The following TENM1 variants were observed in gnomAD, a reference collection of about 807,000 sequenced individuals.
The protein encoded by TENM1 is teneurin transmembrane protein 1.
TENM1 carries 35 observed loss-of-function variants against 174.8 expected under a neutral mutation model. The ratio of observed to expected loss-of-function variants is 0.20; its 90% confidence interval spans 0.15 to 0.27. The LOEUF (loss-of-function observed/expected upper bound fraction) is 0.27, where lower values mean the gene tolerates loss of function less well. Ranked by LOEUF, TENM1 falls within the 10% of genes least tolerant of loss-of-function variation. The pLI, the probability that TENM1 is intolerant of heterozygous loss-of-function variation, is 1.00. For synonymous variants in TENM1, 781 were observed against 798.7 expected, an observed-to-expected ratio of 0.98 and a Z score of 0.37; for missense variants, 1,633 against 2,130.1, an observed-to-expected ratio of 0.77 and a Z score of 4.59.
intron 23 of TENM1, among the ~76,000 whole-genome samples, chrX:124,431,971 G>A (rs2060783573): frequency 8.9e-6 from 1 of 112,012 alleles, no homozygotes; most frequent in South Asian, 3.7e-4. Flanking sequence ...CTAATCAAGA[G>A]TAACAATTTG....
the TENM1 span, among the ~76,000 whole-genome samples, chrX:125,137,666 T>C: frequency 1.8e-5 from 2 of 111,472 alleles, no homozygotes; most frequent in Admixed American, 9.6e-5. Context: ...TATCATGCCA[T>C]CTAGCCCCAT....
intron 11 of TENM1, among the ~76,000 whole-genome samples, chrX:124,637,238 C>T (rs906184041): frequency 1.6e-4 from 18 of 109,913 alleles, no homozygotes; most frequent in African/African-American, 5.0e-4. Flanking sequence ...TATGGGCGCA[C>T]GCCACCATGC....
At chrX:124,690,481 T>TA (rs1556141123) in intron 5 of TENM1, among the ~76,000 whole-genome samples, 2 of 84,777 alleles carry the variant, frequency 2.4e-5, no homozygotes, top group South Asian at 1.3e-3. Context: ...CCTGCTTTGT[T>TA]AGAGTGTGTG....
intron 11 of TENM1, among the ~76,000 whole-genome samples, chrX:124,585,726 CA>C (rs1222936969): frequency 1.8e-5 from 2 of 111,310 alleles, no homozygotes; most frequent in Middle Eastern, 4.7e-3. Flanking sequence ...AAAAACCCTT[CA>C]AAAAATTAAT....
At chrX:124,740,704 C>T (rs1181678112) in intron 3 of TENM1, among the ~76,000 whole-genome samples, 1 of 110,944 alleles carries the variant, frequency 9.0e-6, no homozygotes, top group East Asian at 2.8e-4. Flanking sequence ...CTTTTTTTCA[C>T]CTCAGGAAAA....
At chrX:124,454,522 GC>G (rs1341910077) in intron 22 of TENM1, among the ~76,000 whole-genome samples, 4 of 110,747 alleles carry the variant, frequency 3.6e-5, no homozygotes, top group Admixed American at 2.9e-4. Context: ...TCCTGCTTCA[GC>G]CTCCCAAATA....
rs779839249 is a variant in TENM1 at position 124,723,604 on chromosome X, T to TG, written c.776+13352_776+13353insC. Among the ~76,000 whole-genome samples the TG allele has an allele frequency of 9.9e-3, 585 of 59,108 alleles. 4 individuals carry two copies. Among genetic ancestry groups the TG allele is most frequent in the African/African-American group, 0.049 (557 of 11,371 alleles). 51.3% of individuals were successfully genotyped at this position (59,108 alleles called of 115,157 possible). On this transcript the variant is annotated intron_variant, in intron 4 of 31. Transcript: ENST00000422452. ...CATATCTGGTGGGTTTTTTTTTTTG[T>TG]TTTTTTTTTTTTTTTTTGACGGAGT...
At chrX:124,716,630 G>C (rs918607386) in intron 4 of TENM1, among the ~76,000 whole-genome samples, 1 of 112,141 alleles carries the variant, frequency 8.9e-6, no homozygotes, top group East Asian at 2.8e-4. Context: ...TTGGTAGCCG[G>C]TGCCATTTCC....
intron 1 of TENM1, among the ~76,000 whole-genome samples, chrX:124,952,607 C>G (rs10521728): frequency 0.059 from 6,543 of 110,938 alleles, 388 homozygotes; most frequent in African/African-American, 0.18. Flanking sequence ...CTTTGGACTT[C>G]AACCATTAAT....
At chrX:124,873,963 G>C (rs1206381230) in intron 3 of TENM1, among the ~76,000 whole-genome samples, 1 of 111,502 alleles carries the variant, frequency 9.0e-6, no homozygotes, top group Non-Finnish European at 1.9e-5. Flanking sequence ...CTTTAAGGCT[G>C]CAGAGTATTC....
the TENM1 span, among the ~76,000 whole-genome samples, chrX:125,128,680 C>A: frequency 9.0e-6 from 1 of 111,452 alleles, no homozygotes; most frequent in South Asian, 3.7e-4. Context: ...ACGGAAAGAG[C>A]CTAGGTTTTA....
chrX:124,685,682 C>T (rs958880553), intron 5 of TENM1, among the ~76,000 whole-genome samples: 1 of 109,655 alleles, frequency 9.1e-6, no homozygotes, highest in Non-Finnish European at 1.9e-5. Flanking sequence ...GCCTCAGCCT[C>T]CTGAGTAGCT....
chrX:124,755,063 G>C (rs1156557594), intron 3 of TENM1, among the ~76,000 whole-genome samples: 1 of 100,962 alleles, frequency 9.9e-6, no homozygotes, highest in Non-Finnish European at 1.9e-5. Context: ...CTGTCTCGTT[G>C]ATCTGTCTAA....
intron 15 of TENM1, among the ~76,000 whole-genome samples, chrX:124,545,080 G>A (rs992669226): frequency 8.9e-6 from 1 of 111,896 alleles, no homozygotes; most frequent in Non-Finnish European, 1.9e-5. Context: ...TAGATTGTTT[G>A]TCCTCAGCTA....
chrX:124,624,479 C>T (rs2050592098), intron 11 of TENM1, among the ~76,000 whole-genome samples: 1 of 112,263 alleles, frequency 8.9e-6, no homozygotes. Flanking sequence ...AAACTCACTA[C>T]TGTCTGTGTA....
intron 3 of TENM1, among the ~76,000 whole-genome samples, chrX:124,771,978 T>C (rs902258103): frequency 1.8e-5 from 2 of 112,080 alleles, no homozygotes; most frequent in African/African-American, 3.2e-5. Context: ...TCAAATGCAC[T>C]GTATGAATGT....
At chrX:125,019,436 T>A in the TENM1 span, among the ~76,000 whole-genome samples, 2 of 111,355 alleles carry the variant, frequency 1.8e-5, no homozygotes, top group African/African-American at 6.5e-5. Flanking sequence ...ATCAATCACA[T>A]CCTCTATTTT....
intron 4 of TENM1, among the ~76,000 whole-genome samples, chrX:124,728,191 T>C (rs951572753): frequency 1.4e-4 from 16 of 111,190 alleles, no homozygotes; most frequent in Non-Finnish European, 2.5e-4. Flanking sequence ...CTGCAAACTC[T>C]AGTATATCTA....
the TENM1 span, among the ~76,000 whole-genome samples, chrX:125,017,839 G>C: frequency 7.2e-5 from 8 of 110,936 alleles, no homozygotes; most frequent in African/African-American, 2.6e-4. Flanking sequence ...TGGACACAGG[G>C]AGGGGAACAT....
Sources: gnomAD v4.1 joint callset for allele counts (sites outside exome capture counted in the v4.1 genomes callset) on GRCh38, gnomAD v4.1.1 for gene constraint, MANE v1.5 for transcripts, NCBI Gene and HGNC (gene_info 2026-07-23, HGNC 2026-07-21) for gene names.